The following GNG2 variants were observed in gnomAD, a reference collection of about 807,000 sequenced individuals.
The protein encoded by GNG2 is guanine nucleotide-binding protein G(I)/G(S)/G(O) subunit gamma-2.
A neutral mutation model predicts 5.5 loss-of-function variants in GNG2; 5 were observed. The ratio of observed to expected loss-of-function variants is 0.91; its 90% CI spans 0.48 to 1.92. The LOEUF (loss-of-function observed/expected upper bound fraction) is 1.92. GNG2 is among the 30% of genes most tolerant of loss of function. GNG2 has a pLI of 0.01. For synonymous variants in GNG2, 28 were observed against 32.0 expected, an observed-to-expected ratio of 0.88 and a Z score of 0.42; for missense variants, 55 against 88.4, an observed-to-expected ratio of 0.62 and a Z score of 1.52.
At chr14:51,918,530 T>C (rs1185373693) in intron 2 of GNG2, 3 of 152,230 alleles carry the variant, frequency 2.0e-5, no homozygotes, top group Non-Finnish European at 4.4e-5. Context: ...TGGTGTGACC[T>C]CCATGAGAGA....
chr14:51,913,906 T>A (rs1886446137), intron 2 of GNG2, among the ~76,000 whole-genome samples: 1 of 152,246 alleles, frequency 6.6e-6, no homozygotes. Flanking sequence ...ATATATAATG[T>A]ATGCATAAAA....
chr14:51,888,124 C>T (rs1232181417), intron 2 of GNG2, among the ~76,000 whole-genome samples: 1 of 152,100 alleles, frequency 6.6e-6, no homozygotes, highest in Non-Finnish European at 1.5e-5. Context: ...TCAAAAGTTT[C>T]CTCATGCTCC....
chr14:51,951,153 G>A (rs78928385), intron 3 of GNG2, among the ~76,000 whole-genome samples: 4,983 of 152,214 alleles, frequency 0.033, 192 homozygotes, highest in East Asian at 0.14. Flanking sequence ...CTAAATGTCC[G>A]TATTTTGGGT....
chr14:51,880,722 G>A (rs1454127816), intron 2 of GNG2, among the ~76,000 whole-genome samples: 1 of 152,124 alleles, frequency 6.6e-6, no homozygotes, highest in Non-Finnish European at 1.5e-5. Context: ...AAGACTATCG[G>A]TGCTAAAACT....
chr14:51,951,313 T>C lies in GNG2; in HGVS notation c.87+548T>C, dbSNP rs528564957. The stretch of plus-strand genomic sequence containing the variant: ...AATGAAAGTTCATAGTCTATGTGTT[T>C]CTTTTTTTCCTCTCCCTCCCCAGAC... On this transcript the variant is annotated intron_variant, in intron 3 of 3. Transcript: ENST00000556766. Among the ~76,000 whole-genome samples the C allele has an allele frequency of 2.6e-5, 4 of 152,366 alleles. No individual in the cohort carries two copies. The East Asian group carries it at 7.7e-4, about 29-fold the overall frequency.
At chr14:51,959,624 C>T (rs1889471788) in intron 3 of GNG2, among the ~76,000 whole-genome samples, 3 of 152,080 alleles carry the variant, frequency 2.0e-5, no homozygotes, top group African/African-American at 7.2e-5. Flanking sequence ...CCCTTGACTC[C>T]CATAGAGTAC....
At chr14:51,852,728 C>T (rs1881965548) in intron 2 of GNG2, among the ~76,000 whole-genome samples, 4 of 152,222 alleles carry the variant, frequency 2.6e-5, no homozygotes, top group Admixed American at 2.0e-4. Flanking sequence ...ACAAGTAATA[C>T]TTAAAGAATG....
chr14:51,882,540 C>T (rs1430283131), intron 2 of GNG2, among the ~76,000 whole-genome samples: 1 of 152,154 alleles, frequency 6.6e-6, no homozygotes, highest in Non-Finnish European at 1.5e-5. Flanking sequence ...AGTTAAGATA[C>T]TAGTTGTTTA....
chr14:51,833,583 G>A (rs1881254192), intron 2 of GNG2, among the ~76,000 whole-genome samples: 1 of 152,222 alleles, frequency 6.6e-6, no homozygotes, highest in Non-Finnish European at 1.5e-5. Context: ...GGAGATGCCA[G>A]ATAAAACTTA....
chr14:51,828,873 A>T (rs115238930), intron 2 of GNG2, among the ~76,000 whole-genome samples: 3,215 of 152,168 alleles, frequency 0.021, 115 homozygotes, highest in Admixed American at 0.08. Context: ...GCTTAGCCCC[A>T]CTACCTCCCC....
chr14:51,898,163 A>G (rs918725632), intron 2 of GNG2, among the ~76,000 whole-genome samples: 7 of 152,300 alleles, frequency 4.6e-5, no homozygotes, highest in African/African-American at 1.7e-4. Flanking sequence ...TTGGAGTGGC[A>G]TTATTCCAAC....
chr14:51,905,206 T>C (rs901305138), intron 2 of GNG2, among the ~76,000 whole-genome samples: 2 of 152,210 alleles, frequency 1.3e-5, no homozygotes, highest in Non-Finnish European at 2.9e-5. Flanking sequence ...TACCTTTCAC[T>C]GTGGCTCCAA....
At chr14:51,951,091 C>T (rs1004210463) in intron 3 of GNG2, among the ~76,000 whole-genome samples, 2 of 152,042 alleles carry the variant, frequency 1.3e-5, no homozygotes, top group Non-Finnish European at 2.9e-5. Flanking sequence ...CTCATGGAAA[C>T]GTTTTTCTTA....
chr14:51,874,446 T>G (rs1437472504), intron 1 of GNG2, among the ~76,000 whole-genome samples: 5 of 138,718 alleles, frequency 3.6e-5, no homozygotes, highest in East Asian at 2.1e-4. Flanking sequence ...AAAAAAACAG[T>G]CTGGCTGGGT....
intron 2 of GNG2, among the ~76,000 whole-genome samples, chr14:51,830,451 T>C (rs916175853): frequency 2.0e-5 from 3 of 152,198 alleles, no homozygotes; most frequent in Non-Finnish European, 4.4e-5. Context: ...CTATTGGACA[T>C]CTCCACTGGA....
At chr14:51,851,882 T>C (rs1309722873) in intron 2 of GNG2, among the ~76,000 whole-genome samples, 1 of 152,230 alleles carries the variant, frequency 6.6e-6, no homozygotes, top group African/African-American at 2.4e-5. Context: ...ATGTATGTAA[T>C]CCTTAAATAA....
chr14:51,844,462 T>C (rs1037652110), intron 2 of GNG2, among the ~76,000 whole-genome samples: 18 of 152,298 alleles, frequency 1.2e-4, no homozygotes, highest in African/African-American at 3.9e-4. Context: ...GTTTTCTTCA[T>C]TGGCTTCAGT....
intron 2 of GNG2, among the ~76,000 whole-genome samples, chr14:51,887,345 A>G (rs1884532978): frequency 6.6e-6 from 1 of 152,140 alleles, no homozygotes; most frequent in Non-Finnish European, 1.5e-5. Flanking sequence ...TTGAGTGGCC[A>G]ATTTTTGGTG....
intron 2 of GNG2, among the ~76,000 whole-genome samples, chr14:51,947,351 C>G (rs11623465): frequency 0.35 from 52,720 of 151,784 alleles, 9,630 homozygotes; most frequent in Middle Eastern, 0.42. Flanking sequence ...ATAGATTATC[C>G]TGGATTATCT....
Sources: gnomAD v4.1 joint callset for allele counts (sites outside exome capture counted in the v4.1 genomes callset) on GRCh38, gnomAD v4.1.1 for gene constraint, MANE v1.5 for transcripts, NCBI Gene and HGNC (gene_info 2026-07-23, HGNC 2026-07-21) for gene names.